RPS6KC1: variants seen among roughly 807,000 people sequenced by gnomAD.
The protein encoded by RPS6KC1 is ribosomal protein S6 kinase C1.
A neutral mutation model predicts 103.8 loss-of-function variants in RPS6KC1; 54 were observed. The observed-to-expected ratio is 0.52, with a 90% CI of 0.42 to 0.65. The LOEUF is 0.65. RPS6KC1 is among the 30% of genes least tolerant of loss of function. RPS6KC1 has a pLI of 0.00. For synonymous variants in RPS6KC1, 439 were observed against 438.7 expected, an observed-to-expected ratio of 1.00 and a Z score of -0.01; for missense variants, 1,151 against 1,253.8, an observed-to-expected ratio of 0.92 and a Z score of 1.24.
At chr1:213,291,643 G>T in the RPS6KC1 span, among the ~76,000 whole-genome samples, 4 of 152,206 alleles carry the variant, frequency 2.6e-5, no homozygotes, top group Admixed American at 1.3e-4. Context: ...CAAAGTCAGC[G>T]TGTTTGCAGC....
chr1:213,608,472 G>C, the RPS6KC1 span, among the ~76,000 whole-genome samples: 1 of 152,226 alleles, frequency 6.6e-6, no homozygotes, highest in African/African-American at 2.4e-5. Context: ...CGCTTGGAAA[G>C]CAGGATTCCA....
the RPS6KC1 span, among the ~76,000 whole-genome samples, chr1:213,624,384 A>G: frequency 6.6e-6 from 1 of 152,254 alleles, no homozygotes; most frequent in Non-Finnish European, 1.5e-5. Context: ...TAGGATGGGT[A>G]GAAAGGAAAC....
At chr1:213,360,222 A>G in the RPS6KC1 span, among the ~76,000 whole-genome samples, 2 of 152,184 alleles carry the variant, frequency 1.3e-5, no homozygotes, top group African/African-American at 4.8e-5. Flanking sequence ...GTCTTTTCCC[A>G]TAGTCCCACA....
the RPS6KC1 span, among the ~76,000 whole-genome samples, chr1:213,713,919 C>T: frequency 6.6e-6 from 1 of 152,174 alleles, no homozygotes; most frequent in Admixed American, 6.5e-5. Context: ...CTTCCTGAGT[C>T]CTATCATCCT....
At chr1:213,848,796 C>T in the RPS6KC1 span, among the ~76,000 whole-genome samples, 1 of 152,088 alleles carries the variant, frequency 6.6e-6, no homozygotes, top group African/African-American at 2.4e-5. Context: ...AATGCTCTAA[C>T]CCATCTATGA....
chr1:213,519,293 G>C, the RPS6KC1 span, among the ~76,000 whole-genome samples: 1 of 152,128 alleles, frequency 6.6e-6, no homozygotes, highest in African/African-American at 2.4e-5. Context: ...ATAAGAACCT[G>C]TTGGTAAGAG....
the RPS6KC1 span, among the ~76,000 whole-genome samples, chr1:213,452,474 C>T: frequency 1.3e-5 from 2 of 152,050 alleles, no homozygotes; most frequent in Non-Finnish European, 2.9e-5. Flanking sequence ...GGACAATGTA[C>T]TTGTTATTCA....
the RPS6KC1 span, among the ~76,000 whole-genome samples, chr1:213,624,181 C>T: frequency 7.9e-4 from 120 of 152,286 alleles, 3 homozygotes; most frequent in Non-Finnish European, 5.1e-4. Context: ...AACCTCCAGA[C>T]AGGCACTTGG....
At chr1:213,372,964 G>A in the RPS6KC1 span, among the ~76,000 whole-genome samples, 3 of 152,164 alleles carry the variant, frequency 2.0e-5, no homozygotes, top group Non-Finnish European at 4.4e-5. Context: ...TGTTGAAGGT[G>A]TATGTTTGAC....
At chr1:213,283,878 T>C in the RPS6KC1 span, among the ~76,000 whole-genome samples, 3 of 150,752 alleles carry the variant, frequency 2.0e-5, no homozygotes, top group African/African-American at 7.4e-5. Context: ...AAGTTAGAAA[T>C]GTTTTTTTTT....
intron 3 of RPS6KC1, among the ~76,000 whole-genome samples, chr1:213,097,802 TTA>T (rs2081602759): frequency 6.6e-6 from 1 of 152,204 alleles, no homozygotes; most frequent in Non-Finnish European, 1.5e-5. Flanking sequence ...CCTTGCACTT[TTA>T]TGTTACGGTG....
chr1:213,858,998 C>T, the RPS6KC1 span, among the ~76,000 whole-genome samples: 1 of 152,208 alleles, frequency 6.6e-6, no homozygotes, highest in African/African-American at 2.4e-5. Flanking sequence ...AATATGCCAT[C>T]TGCATCGTTT....
the RPS6KC1 span, among the ~76,000 whole-genome samples, chr1:213,412,831 C>T: frequency 6.6e-6 from 1 of 152,222 alleles, no homozygotes; most frequent in Non-Finnish European, 1.5e-5. Flanking sequence ...CATGTTCCTT[C>T]CCACAAATGT....
At chr1:213,540,788 A>G in the RPS6KC1 span, among the ~76,000 whole-genome samples, 322 of 151,180 alleles carry the variant, frequency 2.1e-3, no homozygotes, top group South Asian at 6.2e-3. Flanking sequence ...ATTGGAGTCA[A>G]TCCTCTCAAG....
the RPS6KC1 span, among the ~76,000 whole-genome samples, chr1:213,305,594 A>T: frequency 1.3e-5 from 2 of 152,176 alleles, no homozygotes; most frequent in Non-Finnish European, 2.9e-5. Context: ...GATGGTGCCC[A>T]TGGCTGGGCA....
chr1:213,326,293 G>T, the RPS6KC1 span, among the ~76,000 whole-genome samples: 1 of 152,186 alleles, frequency 6.6e-6, no homozygotes, highest in Non-Finnish European at 1.5e-5. Context: ...AAAGTTACAT[G>T]TTGAATCAAT....
chr1:213,076,850 C>A (rs989984725), intron 2 of RPS6KC1, among the ~76,000 whole-genome samples: 1 of 151,480 alleles, frequency 6.6e-6, no homozygotes, highest in African/African-American at 2.4e-5. Context: ...ATAGCTACTT[C>A]TTCAGTGTTA....
the RPS6KC1 span, among the ~76,000 whole-genome samples, chr1:213,311,007 G>A: frequency 5.9e-5 from 9 of 152,262 alleles, no homozygotes; most frequent in African/African-American, 1.4e-4. Flanking sequence ...TCAGTGGGGC[G>A]AAGACACTCG....
the RPS6KC1 span, among the ~76,000 whole-genome samples, chr1:213,374,156 A>G: frequency 6.6e-6 from 1 of 152,220 alleles, no homozygotes; most frequent in Admixed American, 6.5e-5. Flanking sequence ...TCATGTATCA[A>G]TTTCTCTATT....
Sources: gnomAD v4.1 joint callset for allele counts (sites outside exome capture counted in the v4.1 genomes callset) on GRCh38, gnomAD v4.1.1 for gene constraint, MANE v1.5 for transcripts, NCBI Gene and HGNC (gene_info 2026-07-23, HGNC 2026-07-21) for gene names.